The following RPH3A variants were observed in gnomAD, a reference collection of about 807,000 sequenced individuals.
The protein encoded by RPH3A is rabphilin 3A.
Under a neutral mutation model 102.2 loss-of-function variants are expected in RPH3A, and 48 were observed. That is an observed-to-expected ratio of 0.47 (90% CI 0.37 to 0.60). RPH3A has a LOEUF of 0.60. Ranked by LOEUF, RPH3A falls within the 20% of genes least tolerant of loss-of-function variation. RPH3A has a pLI of 0.00. For synonymous variants in RPH3A, 310 were observed against 324.3 expected, an observed-to-expected ratio of 0.96 and a Z score of 0.47; for missense variants, 781 against 910.1, an observed-to-expected ratio of 0.86 and a Z score of 1.83.
rs528384420 is a variant in RPH3A at position 112,698,317 on chromosome 12, G to T, written c.-139-93826G>T. On this transcript the variant is annotated intron_variant, in intron 1 of 21. Coordinates refer to the RPH3A transcript ENST00000543106. ...GCTCTACAACTACTAATAAAAAAAG[G>T]AGAAAAATCTTTGTGACCTTGAGTT... Among the ~76,000 whole-genome samples the T allele has an allele frequency of 1.8e-3, 267 of 152,210 alleles. 1 individual carries two copies. The highest frequency in any genetic ancestry group is 6.3e-3 in the African/African-American group (260 of 41,540).
chr12:112,734,203 T>G (rs1395307670), intron 1 of RPH3A, among the ~76,000 whole-genome samples: 1 of 152,206 alleles, frequency 6.6e-6, no homozygotes, highest in Non-Finnish European at 1.5e-5. Flanking sequence ...TGCTTAGATA[T>G]GTTTAGATAC....
Position 112,869,804 on chromosome 12 carries a change from T to C in RPH3A, c.649+7T>C. 2 of 1,614,186 alleles carry C rather than the reference T, an allele frequency of 1.2e-6. No homozygotes were observed. On this transcript the variant is annotated splice_region_variant and intron_variant, in intron 9 of 21. Coordinates refer to ENST00000389385, the MANE Select transcript of RPH3A (RefSeq NM_001143854.2). ...GGCCCGGGTCAGAAGACAGGTGGGTTCTGCTGACTCTGTTTTGTCATTTGA... is the reference window on the plus strand; with the variant it reads ...GGCCCGGGTCAGAAGACAGGTGGGTCCTGCTGACTCTGTTTTGTCATTTGA...
intron 1 of RPH3A, among the ~76,000 whole-genome samples, chr12:112,594,181 A>G (rs533323927): frequency 8.5e-5 from 13 of 152,320 alleles, no homozygotes; most frequent in Admixed American, 5.2e-4. Flanking sequence ...TCATTTGTAC[A>G]AAAAGGGTGC....
At chr12:112,885,238 T>C (rs1294803744) in intron 16 of RPH3A, among the ~76,000 whole-genome samples, 1 of 152,212 alleles carries the variant, frequency 6.6e-6, no homozygotes, top group East Asian at 1.9e-4. Context: ...AGAAGTGTAA[T>C]GATTGAGCCA....
intron 1 of RPH3A, among the ~76,000 whole-genome samples, chr12:112,712,930 CTT>C (rs1565856831): frequency 9.3e-6 from 1 of 107,706 alleles, no homozygotes; most frequent in Non-Finnish European, 1.9e-5. Context: ...TCTTCCTCTT[CTT>C]CTTCTTCTTC....
intron 4 of RPH3A, among the ~76,000 whole-genome samples, chr12:112,838,197 G>T (rs1297698552): frequency 6.6e-6 from 1 of 152,248 alleles, no homozygotes; most frequent in Non-Finnish European, 1.5e-5. Flanking sequence ...ACCAGGAGAG[G>T]GAGGAGCACT....
At chr12:112,855,017 C>T (rs192468733) in intron 5 of RPH3A, among the ~76,000 whole-genome samples, 256 of 133,704 alleles carry the variant, frequency 1.9e-3, no homozygotes, top group African/African-American at 6.0e-3. Context: ...TTGTCCCCTT[C>T]AGGCCTCAGC....
intron 4 of RPH3A, 63 bp downstream of exon 4, chr12:112,836,565 A>G (rs118042706): frequency 4.9e-6 from 4 of 822,110 alleles, no homozygotes; most frequent in Non-Finnish European, 7.1e-6. Flanking sequence ...TCTTTCTCTG[A>G]TCAAGGTGGC....
At chr12:112,581,329 T>C (rs2039399274) in intron 1 of RPH3A, among the ~76,000 whole-genome samples, 1 of 152,206 alleles carries the variant, frequency 6.6e-6, no homozygotes, top group East Asian at 1.9e-4. Context: ...CCATCAGACC[T>C]CGTGAGGCTT....
chr12:112,610,272 C>T (rs1566227459), intron 1 of RPH3A, among the ~76,000 whole-genome samples: 3 of 152,158 alleles, frequency 2.0e-5, no homozygotes, highest in South Asian at 2.1e-4. Flanking sequence ...GGAGGCCAAG[C>T]GAGGCAGATC....
chr12:112,712,904 C>CTCT (rs1387688395), intron 1 of RPH3A, among the ~76,000 whole-genome samples: 5 of 92,542 alleles, frequency 5.4e-5, no homozygotes, highest in Non-Finnish European at 1.0e-4. Context: ...CTTCTTCTTC[C>CTCT]TCTTCTTCTT....
At chr12:112,866,060 CTGCACTTG>C (rs1257855899) in intron 6 of RPH3A, among the ~76,000 whole-genome samples, 1 of 152,178 alleles carries the variant, frequency 6.6e-6, no homozygotes, top group Non-Finnish European at 1.5e-5. Flanking sequence ...CTTAAACTGT[CTGCACTTG>C]ACAGTTTGGG....
intron 1 of RPH3A, among the ~76,000 whole-genome samples, chr12:112,689,011 A>G (rs1402487705): frequency 6.6e-6 from 1 of 152,222 alleles, no homozygotes; most frequent in African/African-American, 2.4e-5. Flanking sequence ...CTGACTTGCT[A>G]TCATCAACTC....
chr12:112,701,067 A>T (rs1257303430), intron 1 of RPH3A, among the ~76,000 whole-genome samples: 1 of 152,050 alleles, frequency 6.6e-6, no homozygotes, highest in African/African-American at 2.4e-5. Flanking sequence ...TTCTCCCTCC[A>T]TCTTGTAGTC....
intron 1 of RPH3A, among the ~76,000 whole-genome samples, chr12:112,753,090 G>A (rs927010803): frequency 6.6e-6 from 1 of 150,720 alleles, no homozygotes; most frequent in Non-Finnish European, 1.5e-5. Context: ...AAGCACGATC[G>A]ATTCAGACTG....
At chr12:112,585,830 T>C (rs1180114153) in intron 1 of RPH3A, among the ~76,000 whole-genome samples, 1 of 152,176 alleles carries the variant, frequency 6.6e-6, no homozygotes, top group Non-Finnish European at 1.5e-5. Flanking sequence ...AATCCTGATG[T>C]TGAGATTCAA....
chr12:112,688,581 C>G (rs1381314464), intron 1 of RPH3A, among the ~76,000 whole-genome samples: 1 of 152,034 alleles, frequency 6.6e-6, no homozygotes, highest in Non-Finnish European at 1.5e-5. Flanking sequence ...TAAGGATATT[C>G]CCTGCTTAAA....
At chr12:112,743,502 G>A (rs2040724338) in intron 1 of RPH3A, among the ~76,000 whole-genome samples, 1 of 152,168 alleles carries the variant, frequency 6.6e-6, no homozygotes, top group Non-Finnish European at 1.5e-5. Context: ...CTGCTCCCTG[G>A]CTACTGTGTA....
At chr12:112,606,675 C>T (rs762412107) in intron 1 of RPH3A, among the ~76,000 whole-genome samples, 21 of 152,192 alleles carry the variant, frequency 1.4e-4, no homozygotes, top group Non-Finnish European at 2.5e-4. Flanking sequence ...AGCGTAGATG[C>T]GGAGGGCTCA....
Sources: gnomAD v4.1 joint callset for allele counts (sites outside exome capture counted in the v4.1 genomes callset) on GRCh38, gnomAD v4.1.1 for gene constraint, MANE v1.5 for transcripts, NCBI Gene and HGNC (gene_info 2026-07-23, HGNC 2026-07-21) for gene names.